MYO16: variants seen among roughly 807,000 people sequenced by gnomAD.
MYO16 encodes the protein myosin XVI.
Under a neutral mutation model 205.3 loss-of-function variants are expected in MYO16, and 94 were observed. That is an observed-to-expected ratio of 0.46 (90% CI 0.39 to 0.54). The LOEUF (loss-of-function observed/expected upper bound fraction) is 0.54, where lower values mean the gene tolerates loss of function less well. Ranked by LOEUF, MYO16 falls within the 20% of genes least tolerant of loss-of-function variation. The pLI, the probability that MYO16 is intolerant of heterozygous loss-of-function variation, is 0.00. For synonymous variants in MYO16, 988 were observed against 954.0 expected (o/e 1.04, Z -0.66); for missense variants, 2,315 against 2,387.5 (o/e 0.97, Z 0.63).
At chr13:108,528,078 A>T in the MYO16 span, among the ~76,000 whole-genome samples, 1 of 152,242 alleles carries the variant, frequency 6.6e-6, no homozygotes, top group Non-Finnish European at 1.5e-5. Flanking sequence ...TTACTGAAAC[A>T]TGAGGAAGTA....
chr13:108,719,855 T>C (rs527703343), intron 3 of MYO16, among the ~76,000 whole-genome samples: 7 of 152,326 alleles, frequency 4.6e-5, no homozygotes, highest in African/African-American at 1.7e-4. Flanking sequence ...AATTCACCTT[T>C]ATATATACCT....
At chr13:108,843,004 A>G (rs1385968165) in intron 9 of MYO16, among the ~76,000 whole-genome samples, 3 of 152,150 alleles carry the variant, frequency 2.0e-5, no homozygotes, top group African/African-American at 7.2e-5. Flanking sequence ...ACACAGACCG[A>G]CAAATATTAC....
the MYO16 span, among the ~76,000 whole-genome samples, chr13:108,586,111 A>G: frequency 6.6e-6 from 1 of 152,114 alleles, no homozygotes; most frequent in South Asian, 2.1e-4. Context: ...TGAGATGCAT[A>G]TGTTGTATAC....
intron 1 of MYO16, among the ~76,000 whole-genome samples, chr13:108,597,416 AT>A (rs1415741768): frequency 6.6e-5 from 10 of 152,078 alleles, no homozygotes; most frequent in East Asian, 3.9e-4. Flanking sequence ...CAAGTCTGAA[AT>A]TTTTTTTAGA....
In MYO16 at chr13:108,844,355, GT is replaced by G; in HGVS notation, c.1112del (p.Leu371TyrfsTer37). ...TTTTTTCCTGTAGCAGTCCCCTGGTGTTACCAATTGCCAAGCAAGACAGTTT... is the reference window on the plus strand; with the variant it reads ...TTTTTTCCTGTAGCAGTCCCCTGGTGTACCAATTGCCAAGCAAGACAGTTT... The part of the protein sequence containing the change: ...VLSSKLSPLV[L>X]PIAKQDSLLE... On this transcript the variant is annotated frameshift_variant, in exon 10 of 35. Transcript: ENST00000457511. LOFTEE classifies it high-confidence loss of function. 6.2e-7 allele frequency: 1 copy of G among 1,612,420 alleles called. No homozygotes were observed. The highest frequency in any genetic ancestry group is 8.5e-7 in the Non-Finnish European group (1 of 1,178,978).
chr13:108,752,820 T>C (rs1201207180), intron 4 of MYO16, among the ~76,000 whole-genome samples: 1 of 144,174 alleles, frequency 6.9e-6, no homozygotes, highest in African/African-American at 2.5e-5. Flanking sequence ...TTTTTTTTTT[T>C]TTTTTTTTTT....
At chr13:109,009,074 C>T in intron 22 of MYO16, 25 bp downstream of exon 22, 1 of 1,542,126 alleles carries the variant, frequency 6.5e-7, no homozygotes, top group East Asian at 2.3e-5. Flanking sequence ...TAATTAGATA[C>T]TTAACAGGAT....
At chr13:108,948,769 G>C (rs1378316201) in intron 16 of MYO16, among the ~76,000 whole-genome samples, 1 of 152,218 alleles carries the variant, frequency 6.6e-6, no homozygotes, top group Non-Finnish European at 1.5e-5. Context: ...AAACCCTCCT[G>C]TGATTTAGTC....
Position 109,173,328 on chromosome 13 carries a change from A to G in MYO16, c.5324-6214A>G, listed in dbSNP as rs114618525. Reference sequence around the variant, plus strand: ...AAATAAGGCAGTCAGCAATAATGTCAAATGAATCCCATAAATAATGATTAC... The same window carrying G: ...AAATAAGGCAGTCAGCAATAATGTCGAATGAATCCCATAAATAATGATTAC... On this transcript the variant is annotated intron_variant, in intron 33 of 34. Coordinates refer to ENST00000457511, the MANE Select transcript of MYO16 (RefSeq NM_001198950.3). Among the ~76,000 whole-genome samples the G allele has an allele frequency of 8.5e-3, 1,295 of 152,340 alleles. 21 individuals are homozygous for G. The highest frequency in any genetic ancestry group is 0.029 in the African/African-American group (1,211 of 41,580).
intron 4 of MYO16, among the ~76,000 whole-genome samples, chr13:108,729,736 T>C (rs899059856): frequency 2.6e-5 from 4 of 152,172 alleles, no homozygotes; most frequent in African/African-American, 9.7e-5. Context: ...GTTTCTTGAG[T>C]TCAGAAAGGT....
chr13:109,014,268 G>C (rs1236985726), intron 22 of MYO16, among the ~76,000 whole-genome samples: 1 of 152,216 alleles, frequency 6.6e-6, no homozygotes, highest in Non-Finnish European at 1.5e-5. Flanking sequence ...TCAAAGATCA[G>C]ATGGTTGTAA....
chr13:109,020,119 C>T lies in MYO16; in HGVS notation c.2796+208C>T, dbSNP rs577101695. Among the ~76,000 whole-genome samples the T allele has an allele frequency of 3.3e-5, 5 of 152,240 alleles. No individual in the cohort carries two copies. The South Asian group carries it at 1.0e-3, about 32-fold the overall frequency. ...AGAATGATGACGCACACTGTGTGGG[C>T]CTTCTCATAATGTTTCTAGAATTAT... On this transcript the variant is annotated intron_variant, in intron 23 of 34. Coordinates refer to ENST00000457511, the MANE Select transcript of MYO16 (RefSeq NM_001198950.3).
chr13:108,585,238 G>A, the MYO16 span, among the ~76,000 whole-genome samples: 5 of 152,166 alleles, frequency 3.3e-5, no homozygotes, highest in Non-Finnish European at 7.3e-5. Flanking sequence ...TTGTTCTTAT[G>A]TATTTTAGCA....
the MYO16 span, among the ~76,000 whole-genome samples, chr13:108,571,166 A>G: frequency 1.3e-5 from 2 of 152,300 alleles, no homozygotes; most frequent in Admixed American, 6.5e-5. Flanking sequence ...TCTTAAGAAA[A>G]TACCTTTTTG....
chr13:109,197,768 A>G (rs1351969781), intron 34 of MYO16, among the ~76,000 whole-genome samples: 1 of 152,188 alleles, frequency 6.6e-6, no homozygotes, highest in East Asian at 1.9e-4. Context: ...TTACTCTTTG[A>G]GCTTTCATTT....
intron 1 of MYO16, among the ~76,000 whole-genome samples, chr13:108,639,602 G>C (rs1179425010): frequency 6.6e-6 from 1 of 152,164 alleles, no homozygotes; most frequent in African/African-American, 2.4e-5. Context: ...AATTTTCTAA[G>C]GACTTTTTCT....
At chr13:109,173,186 T>C (rs1422515009) in intron 33 of MYO16, among the ~76,000 whole-genome samples, 1 of 152,216 alleles carries the variant, frequency 6.6e-6, no homozygotes, top group African/African-American at 2.4e-5. Context: ...CTGTCACATG[T>C]AGGCATTGTG....
At chr13:108,892,582 G>A (rs2139190818) in intron 14 of MYO16, among the ~76,000 whole-genome samples, 1 of 152,256 alleles carries the variant, frequency 6.6e-6, no homozygotes, top group Non-Finnish European at 1.5e-5. Context: ...TGGGAGAATA[G>A]CATAACCTAT....
At chr13:108,872,112 A>AAG (rs1879098529) in intron 12 of MYO16, among the ~76,000 whole-genome samples, 1 of 152,182 alleles carries the variant, frequency 6.6e-6, no homozygotes, top group Non-Finnish European at 1.5e-5. Context: ...TGGGAGGGGA[A>AAG]AGAGAGAGAG....
Sources: allele counts gnomAD v4.1 joint callset (sites outside exome capture counted in the v4.1 genomes callset), GRCh38; gene constraint gnomAD v4.1.1; transcripts MANE v1.5; gene names NCBI Gene and HGNC (gene_info 2026-07-23, HGNC 2026-07-21).